Variants in AGAP1 observed in about 807,000 individuals in gnomAD.
AGAP1 encodes the protein ArfGAP with GTPase domain, ankyrin repeat and PH domain 1, also known as arf-GAP with GTPase, ANK repeat and PH domain-containing protein 1.
Under a neutral mutation model 105.3 loss-of-function variants are expected in AGAP1, and 29 were observed. The ratio of observed to expected loss-of-function variants is 0.28; its 90% CI spans 0.21 to 0.38. The LOEUF (loss-of-function observed/expected upper bound fraction) is 0.38, where lower values mean the gene tolerates loss of function less well. Ranked by LOEUF, AGAP1 falls within the 10% of genes least tolerant of loss-of-function variation. AGAP1 has a pLI of 1.00. For synonymous variants in AGAP1, 509 were observed against 485.9 expected, an observed-to-expected ratio of 1.05 and a Z score of -0.63; for missense variants, 998 against 1,165.1, an observed-to-expected ratio of 0.86 and a Z score of 2.09.
rs1254540359 is a variant in AGAP1, at chr2:235,958,550, C to A, written c.1484-9912C>A. Among the ~76,000 whole-genome samples, 1 of 152,144 alleles carries A rather than the reference C, an allele frequency of 6.6e-6. No homozygotes were observed. Among genetic ancestry groups the A allele is most frequent in the Non-Finnish European group, 1.5e-5 (1 of 68,012 alleles). ...CACCTGGCGAGGACCCTCACCAAGG[C>A]GAGCTCCCTGCAATGGTTCATCAAA... is the stretch of plus-strand genomic sequence containing the variant. On this transcript the variant is annotated intron_variant, in intron 12 of 17. Coordinates refer to ENST00000304032, the MANE Select transcript of AGAP1 (RefSeq NM_001037131.3). This position sits in a 1 kb window ranked among gnomAD's most constrained non-coding sequence, Gnocchi z 4.1.
rs537751377 is a variant in AGAP1, at chr2:235,877,984, G to A, written c.1051-5361G>A. On this transcript the variant is annotated intron_variant, in intron 9 of 17. Transcript: ENST00000304032. The surrounding 1 kb of genome is among the most constrained non-coding windows in gnomAD (Gnocchi z 4.3). ...CCTATGGCAGGGCCCAGACATTCAG[G>A]CACCTCCAGGGCCAGGCAGGAAGTG... 6.6e-6 allele frequency among the ~76,000 whole-genome samples: 1 copy of A among 152,268 alleles called. No homozygotes were observed. The highest frequency in any genetic ancestry group is 2.4e-5 in the African/African-American group (1 of 41,548).
chr2:235,770,046 G>A (rs1955297739), intron 6 of AGAP1, among the ~76,000 whole-genome samples: 1 of 152,120 alleles, frequency 6.6e-6, no homozygotes. Flanking sequence ...ACAGGAAACT[G>A]TAAGACAGCA....
chr2:236,118,575 G>A (rs566905498), intron 16 of AGAP1, among the ~76,000 whole-genome samples: 2 of 151,896 alleles, frequency 1.3e-5, no homozygotes, highest in East Asian at 3.9e-4. Context: ...TTTTAGTAGA[G>A]ACAGGGTTTC....
intron 1 of AGAP1, among the ~76,000 whole-genome samples, chr2:235,591,696 C>T (rs1945343457): frequency 6.6e-6 from 1 of 152,192 alleles, no homozygotes; most frequent in African/African-American, 2.4e-5. Context: ...GTGAATCCTT[C>T]ATGAATGTCT....
intron 1 of AGAP1, among the ~76,000 whole-genome samples, chr2:235,683,701 T>C (rs867179927): frequency 9.5e-5 from 14 of 147,810 alleles, no homozygotes; most frequent in African/African-American, 2.5e-4. Context: ...CTCTCTCTCT[T>C]TTTTTTTTTA....
chr2:236,049,100 A>G lies in AGAP1; in HGVS notation c.1933A>G (p.Ile645Val). 1 of 1,614,164 alleles carries G rather than the reference A, an allele frequency of 6.2e-7. No homozygotes were observed. The highest frequency in any genetic ancestry group is 8.5e-7 in the Non-Finnish European group (1 of 1,180,030). The part of the protein sequence containing the change: ...ASLNLGALMC[I>V]ECSGIHRNLG... ...TTTGAACTTGGGAGCCCTCATGTGC[A>G]TCGAATGCTCAGGGATCCACCGGAA... The change falls in exon 16 of 18, where the codon ATC becomes GTC. Residue 645 changes from isoleucine to valine, a missense_variant. Around this residue, in one of 3 missense-constraint regions of AGAP1, gnomAD observed 28 missense variants for 61.0 expected, o/e 0.46. Coordinates refer to ENST00000304032, the MANE Select transcript of AGAP1 (RefSeq NM_001037131.3).
At chr2:235,715,823 T>C (rs1274854783) in intron 2 of AGAP1, among the ~76,000 whole-genome samples, 6 of 152,270 alleles carry the variant, frequency 3.9e-5, no homozygotes, top group African/African-American at 1.4e-4. Flanking sequence ...GCGGACTCCC[T>C]GACTTCCAGC....
rs990050427 is a variant in AGAP1, at chr2:236,090,888, C to T, written c.2115-29304C>T. Among the ~76,000 whole-genome samples, 1 of 152,258 alleles carries T rather than the reference C, an allele frequency of 6.6e-6. No homozygotes were observed. Among genetic ancestry groups the T allele is most frequent in the East Asian group, 1.9e-4 (1 of 5,170 alleles). Reference sequence around the variant, plus strand: ...CTGAGTAGCTGGGATTACAGGCATGCGCCACCATACCCGGCTAATTTTGCA... The same window carrying T: ...CTGAGTAGCTGGGATTACAGGCATGTGCCACCATACCCGGCTAATTTTGCA... On this transcript the variant is annotated intron_variant, in intron 16 of 17. Coordinates refer to ENST00000304032, the MANE Select transcript of AGAP1 (RefSeq NM_001037131.3). This position sits in a 1 kb window ranked among gnomAD's most constrained non-coding sequence, Gnocchi z 4.3.
intron 1 of AGAP1, among the ~76,000 whole-genome samples, chr2:235,661,420 A>G (rs1420166028): frequency 6.6e-6 from 1 of 151,810 alleles, no homozygotes; most frequent in African/African-American, 2.4e-5. Flanking sequence ...GGGAGGCAGG[A>G]CATTGAGGGA....
In AGAP1 at chr2:236,026,344, G is replaced by A. The variant is rs569021324; in HGVS notation, c.1646-10217G>A. On this transcript the variant is annotated intron_variant, in intron 13 of 17. Coordinates refer to ENST00000304032, the MANE Select transcript of AGAP1 (RefSeq NM_001037131.3). ...GAGCCAGACACCCGGCAGGTGGCAC[G>A]TGGAAGGCCCAGAGGACCACCACCT... Among the ~76,000 whole-genome samples, 138 of 152,056 alleles carry A rather than the reference G, an allele frequency of 9.1e-4. 1 individual carries two copies. The highest frequency in any genetic ancestry group is 3.2e-3 in the African/African-American group (133 of 41,314).
At chr2:235,657,937 G>A (rs965490441) in intron 1 of AGAP1, among the ~76,000 whole-genome samples, 11 of 152,278 alleles carry the variant, frequency 7.2e-5, no homozygotes, top group Admixed American at 5.2e-4. Flanking sequence ...GACACAGGGG[G>A]AAGACGGCAT....
intron 1 of AGAP1, among the ~76,000 whole-genome samples, chr2:235,554,010 G>T (rs1202903969): frequency 6.6e-6 from 1 of 152,168 alleles, no homozygotes; most frequent in Admixed American, 6.5e-5. Flanking sequence ...CTCACCTCTG[G>T]CCAGAAATTT....
intron 1 of AGAP1, among the ~76,000 whole-genome samples, chr2:235,636,216 T>G (rs1387915540): frequency 6.6e-6 from 1 of 152,176 alleles, no homozygotes; most frequent in Non-Finnish European, 1.5e-5. Flanking sequence ...TTCATCCAGC[T>G]TGGTTCTGGT....
chr2:235,589,186 A>ATTTTTTTTTTTTTTTTTTTTTTTTTTTT (rs1559270688), intron 1 of AGAP1, among the ~76,000 whole-genome samples: 1 of 35,086 alleles, frequency 2.9e-5, no homozygotes. Flanking sequence ...TTAATAGCTT[A>ATTTTTTTTTTTTTTTTTTTTTTTTTTTT]TTGTTTTGTT....
At chr2:235,966,904 T>C (rs1233676469) in intron 12 of AGAP1, among the ~76,000 whole-genome samples, 2 of 152,214 alleles carry the variant, frequency 1.3e-5, no homozygotes, top group Non-Finnish European at 2.9e-5. Flanking sequence ...CTCAGATACC[T>C]TAAATTGTGT....
At chr2:235,765,345 C>T (rs893488267) in intron 6 of AGAP1, among the ~76,000 whole-genome samples, 8 of 151,896 alleles carry the variant, frequency 5.3e-5, no homozygotes, top group Non-Finnish European at 1.2e-4. Context: ...CACCTGCGAG[C>T]GCCCGTGGCA....
rs1364469037 is a variant in AGAP1, at chr2:235,530,679, T to C, written c.163+35830T>C. ...GTCCCCTTCTCCGGCTCCTCTGCTT[T>C]CTTTTTTCATTTGATAAGGACCCTT... On this transcript the variant is annotated intron_variant, in intron 1 of 17. Transcript: ENST00000304032. 2.6e-5 allele frequency among the ~76,000 whole-genome samples: 4 copies of C among 152,174 alleles called. No individual in the cohort carries two copies. The East Asian group carries it at 5.8e-4, about 22-fold the overall frequency.
At chr2:235,636,964 A>T (rs577744880) in intron 1 of AGAP1, among the ~76,000 whole-genome samples, 27 of 152,260 alleles carry the variant, frequency 1.8e-4, no homozygotes, top group African/African-American at 6.5e-4. Flanking sequence ...AGAAGCCAGG[A>T]CAGAGGCTCG....
intron 10 of AGAP1, among the ~76,000 whole-genome samples, chr2:235,907,523 C>G (rs961311690): frequency 1.3e-5 from 2 of 152,204 alleles, no homozygotes; most frequent in African/African-American, 4.8e-5. Context: ...GTTTTCACAT[C>G]TAAAGGGAAT....
Sources: gnomAD v4.1 joint callset for allele counts (sites outside exome capture counted in the v4.1 genomes callset) on GRCh38, gnomAD v4.1.1 for gene constraint, gnomAD v4.1.1 regional missense constraint, Gnocchi (gnomAD v3.1) non-coding constraint, MANE v1.5 for transcripts, NCBI Gene and HGNC (gene_info 2026-07-23, HGNC 2026-07-21) for gene names.